Variants in LINGO2 observed in about 807,000 individuals in gnomAD.
The protein encoded by LINGO2 is leucine rich repeat and Ig domain containing 2, also known as leucine-rich repeat and immunoglobulin-like domain-containing nogo receptor-interacting protein 2.
Under a neutral mutation model 30.6 loss-of-function variants are expected in LINGO2, and 14 were observed. The ratio of observed to expected loss-of-function variants is 0.46; its 90% confidence interval spans 0.30 to 0.72. The LOEUF (loss-of-function observed/expected upper bound fraction) is 0.72, where lower values mean the gene tolerates loss of function less well. Among genes scored for constraint, LINGO2 ranks in the 30% least tolerant of loss-of-function variants. The probability of loss-of-function intolerance (pLI) is 0.07; values close to 1 mark genes in which losing one functional copy is unlikely to be tolerated. For missense variants in LINGO2, 729 were observed against 751.7 expected, an observed-to-expected ratio of 0.97 and a Z score of 0.35; for synonymous variants, 317 against 288.5, an observed-to-expected ratio of 1.10 and a Z score of -1.00.
chr9:28,762,012 T>C, the LINGO2 span, among the ~76,000 whole-genome samples: 1 of 151,730 alleles, frequency 6.6e-6, no homozygotes, highest in African/African-American at 2.4e-5. Flanking sequence ...ATCCTTTTTT[T>C]CCCTCTATTC....
the LINGO2 span, among the ~76,000 whole-genome samples, chr9:28,831,479 G>A: frequency 1.3e-5 from 2 of 152,090 alleles, no homozygotes; most frequent in African/African-American, 2.4e-5. Flanking sequence ...TAATTGAGGA[G>A]TGAGTGAGTC....
At chr9:29,180,148 A>G in the LINGO2 span, among the ~76,000 whole-genome samples, 1 of 152,164 alleles carries the variant, frequency 6.6e-6, no homozygotes, top group Non-Finnish European at 1.5e-5. Context: ...ACCAAGGAAA[A>G]CACTCTGCCC....
At chr9:28,172,140 C>G (rs376766133) in intron 4 of LINGO2, among the ~76,000 whole-genome samples, 2 of 151,176 alleles carry the variant, frequency 1.3e-5, no homozygotes, top group Admixed American at 6.6e-5. Context: ...GCCTGTAATC[C>G]CAGCACTTTG....
intron 3 of LINGO2, among the ~76,000 whole-genome samples, chr9:28,369,426 G>A (rs1820813115): frequency 6.6e-6 from 1 of 152,130 alleles, no homozygotes; most frequent in Non-Finnish European, 1.5e-5. Context: ...TGACACCATT[G>A]CTATAACCAC....
At chr9:28,075,128 A>G (rs1012710993) in intron 4 of LINGO2, among the ~76,000 whole-genome samples, 2 of 151,664 alleles carry the variant, frequency 1.3e-5, no homozygotes, top group Admixed American at 1.3e-4. Flanking sequence ...ATTCCCTGGA[A>G]TTCCTTCATA....
the LINGO2 span, among the ~76,000 whole-genome samples, chr9:29,040,150 G>A: frequency 6.6e-5 from 10 of 152,070 alleles, no homozygotes; most frequent in African/African-American, 1.9e-4. Flanking sequence ...TCCGTCCTAA[G>A]CTGTTTTATA....
chr9:29,000,933 G>A, the LINGO2 span, among the ~76,000 whole-genome samples: 3 of 151,902 alleles, frequency 2.0e-5, no homozygotes, highest in South Asian at 2.1e-4. Context: ...ATTTTAATAG[G>A]TTATGAAATC....
the LINGO2 span, among the ~76,000 whole-genome samples, chr9:28,739,898 A>T: frequency 6.6e-6 from 1 of 150,652 alleles, no homozygotes; most frequent in Non-Finnish European, 1.5e-5. Flanking sequence ...TCATATTAGT[A>T]CAATAAAGGT....
chr9:27,974,319 C>A (rs762931328), intron 5 of LINGO2, among the ~76,000 whole-genome samples: 1 of 152,120 alleles, frequency 6.6e-6, no homozygotes, highest in African/African-American at 2.4e-5. Flanking sequence ...TGTAATTGAA[C>A]ACCATCTATT....
Position 28,452,467 on chromosome 9 carries a change from G to T in LINGO2, c.-279+23473C>A, listed in dbSNP as rs563311659. 2.0e-5 allele frequency among the ~76,000 whole-genome samples: 3 copies of T among 151,716 alleles called. No individual in the cohort carries two copies. The South Asian group carries it at 6.2e-4, about 32-fold the overall frequency. ...CACAATAAACATGAAAACTGAAAAG[G>T]CTCTGACTATTCCTAGAATAAAAAC... is the stretch of plus-strand genomic sequence containing the variant. On this transcript the variant is annotated intron_variant, in intron 2 of 5. Coordinates refer to ENST00000379992, the Ensembl canonical transcript of LINGO2.
intron 1 of LINGO2, among the ~76,000 whole-genome samples, chr9:28,575,605 T>G (rs1230537322): frequency 6.6e-6 from 1 of 151,978 alleles, no homozygotes; most frequent in Non-Finnish European, 1.5e-5. Context: ...GCCCGCTACC[T>G]GGGTGACAGG....
At chr9:28,673,180 G>A (rs75289728), upstream of LINGO2, among the ~76,000 whole-genome samples, 4,668 of 152,074 alleles carry the variant, frequency 0.031, 186 homozygotes, top group East Asian at 0.19. Context: ...TAAAATAATG[G>A]ATAAAAGAAA....
At chr9:28,682,889 T>A in the LINGO2 span, among the ~76,000 whole-genome samples, 1 of 152,108 alleles carries the variant, frequency 6.6e-6, no homozygotes. Context: ...TTATTATTTT[T>A]AAAACACAGG....
chr9:29,082,410 A>G, the LINGO2 span, among the ~76,000 whole-genome samples: 1 of 152,186 alleles, frequency 6.6e-6, no homozygotes, highest in Non-Finnish European at 1.5e-5. Flanking sequence ...CCTTCCTTAC[A>G]TCTTATACAA....
chr9:28,432,110 A>G (rs1564195177), intron 2 of LINGO2, among the ~76,000 whole-genome samples: 1 of 152,154 alleles, frequency 6.6e-6, no homozygotes, highest in Admixed American at 6.6e-5. Flanking sequence ...GGGTCATACG[A>G]AAAGAGTGAT....
intron 5 of LINGO2, among the ~76,000 whole-genome samples, chr9:27,972,683 A>T (rs561574459): frequency 6.6e-6 from 1 of 152,320 alleles, no homozygotes; most frequent in South Asian, 2.1e-4. Context: ...TATTCCAGGC[A>T]GGCTGGTATT....
chr9:28,852,155 G>A, the LINGO2 span, among the ~76,000 whole-genome samples: 1 of 151,962 alleles, frequency 6.6e-6, no homozygotes, highest in Admixed American at 6.6e-5. Context: ...AACTTTAATG[G>A]ATAGGGGAAG....
chr9:28,939,807 C>T, the LINGO2 span, among the ~76,000 whole-genome samples: 2 of 152,030 alleles, frequency 1.3e-5, no homozygotes, highest in African/African-American at 2.4e-5. Context: ...CATTTCTACC[C>T]CACCTTTCTG....
intron 2 of LINGO2, among the ~76,000 whole-genome samples, chr9:28,413,361 A>T (rs973225319): frequency 1.3e-5 from 2 of 152,126 alleles, no homozygotes; most frequent in Non-Finnish European, 2.9e-5. Flanking sequence ...TTTCACATGT[A>T]GGTCTTTATT....
Sources: gnomAD v4.1 joint callset for allele counts (sites outside exome capture counted in the v4.1 genomes callset) on GRCh38, gnomAD v4.1.1 for gene constraint, MANE v1.5 for transcripts, NCBI Gene and HGNC (gene_info 2026-07-23, HGNC 2026-07-21) for gene names.